TKTL1: variants seen among roughly 807,000 people sequenced by gnomAD.
TKTL1 encodes transketolase-like protein 1.
A neutral mutation model predicts 39.3 loss-of-function variants in TKTL1; 1 was observed. The ratio of observed to expected loss-of-function variants is 0.03; its 90% confidence interval spans 0.01 to 0.12. TKTL1 has a LOEUF of 0.12. Ranked by LOEUF, TKTL1 falls within the 10% of genes least tolerant of loss-of-function variation. The pLI, the probability that TKTL1 is intolerant of heterozygous loss-of-function variation, is 1.00. For synonymous variants in TKTL1, 262 were observed against 193.8 expected (o/e 1.35, Z -2.92); for missense variants, 575 against 509.6 (o/e 1.13, Z -1.24).
At chrX:154,311,326 G>A in intron 5 of TKTL1, 88 bp downstream of exon 5, 1 of 1,132,258 alleles carries the variant, frequency 8.8e-7, no homozygotes. Context: ...AGGGGCCTAG[G>A]CAGATGACTC....
Position 154,295,839 on chromosome X carries a change from G to A in TKTL1, c.-21G>A. The A allele has an allele frequency of 8.3e-7, 1 of 1,206,108 alleles. No individual in the cohort carries two copies. Among genetic ancestry groups the A allele is most frequent in the Non-Finnish European group, 1.1e-6 (1 of 892,392 alleles). On this transcript the variant is annotated 5_prime_UTR_variant, in exon 1 of 13. Coordinates refer to ENST00000369915, the MANE Select transcript of TKTL1 (RefSeq NM_012253.4). ...CCGGAGACGTAGGAGTGGGTCTTCA[G>A]ACTCCAAAGGGGTTGGACTAATGGC...
intron 7 of TKTL1, among the ~76,000 whole-genome samples, chrX:154,319,337 C>T (rs1328737516): frequency 8.9e-6 from 1 of 112,482 alleles, no homozygotes; most frequent in Non-Finnish European, 1.9e-5. Context: ...AAATTGTCCT[C>T]TTTACTTGGG....
At chrX:154,315,811 C>G (rs782638507) in intron 7 of TKTL1, among the ~76,000 whole-genome samples, 4 of 112,468 alleles carry the variant, frequency 3.6e-5, no homozygotes, top group Non-Finnish European at 7.5e-5. Flanking sequence ...AATATCAATG[C>G]TTAGAGCTGG....
chrX:154,319,121 T>C (rs1557170082), intron 7 of TKTL1, among the ~76,000 whole-genome samples: 2 of 111,957 alleles, frequency 1.8e-5, no homozygotes, highest in South Asian at 7.4e-4. Flanking sequence ...CATGATGTGC[T>C]ATGAAACCTT....
intron 7 of TKTL1, among the ~76,000 whole-genome samples, chrX:154,319,924 G>A (rs1026045244): frequency 1.3e-4 from 15 of 111,809 alleles, no homozygotes; most frequent in Non-Finnish European, 3.8e-5. Context: ...ATTTGAGCCC[G>A]GACTTCTGGG....
At chrX:154,297,251 TG>T (rs1326625460) in intron 1 of TKTL1, among the ~76,000 whole-genome samples, 1 of 107,870 alleles carries the variant, frequency 9.3e-6, no homozygotes, top group Non-Finnish European at 2.0e-5. Context: ...AGGTTTTTTT[TG>T]TTTTTTTTTT....
chrX:154,330,009 G>A lies in TKTL1; in HGVS notation c.*321G>A, dbSNP rs12014497. 0.028 allele frequency: 5,350 copies of A among 193,980 alleles called. 270 individuals carry two copies. The highest frequency in any genetic ancestry group is 0.14 in the African/African-American group (4,876 of 33,888). 16.0% of individuals were successfully genotyped at this position (193,980 alleles called of 1,213,427 possible). ...AGTGGTAGAGGTAATCAATTCTTCC[G>A]AAGTGTTTCCTTCGTGAATAACTGG... On this transcript the variant is annotated 3_prime_UTR_variant, in exon 13 of 13. Transcript: ENST00000369915.
chrX:154,325,362 C>A lies in TKTL1; in HGVS notation c.1341C>A (p.Thr447=), dbSNP rs782764473. 9 of 1,211,765 alleles carry A rather than the reference C, an allele frequency of 7.4e-6. No individual in the cohort carries two copies. The Admixed American group carries it at 1.7e-4, about 23-fold the overall frequency. ...AGGGGATGTGCTTCATTCGGACCAC[C>A]CGACCAGAAACTATGGTTATTTACA... ...NAKGMCFIRT[T]RPETMVIYTP... The change falls in exon 10 of 13, where the codon ACC becomes ACA. Residue 447 remains threonine, a synonymous_variant. Coordinates refer to ENST00000369915, the MANE Select transcript of TKTL1 (RefSeq NM_012253.4).
chrX:154,301,926 T>TA (rs781909839), intron 1 of TKTL1, among the ~76,000 whole-genome samples: 351 of 109,316 alleles, frequency 3.2e-3, no homozygotes, highest in African/African-American at 0.011. Flanking sequence ...TTTTTTTTTT[T>TA]AAATGAGACA....
intron 1 of TKTL1, among the ~76,000 whole-genome samples, chrX:154,302,273 C>T (rs1451494372): frequency 1.8e-5 from 2 of 111,048 alleles, no homozygotes; most frequent in African/African-American, 6.6e-5. Context: ...GAAATTTTCC[C>T]TGTAGAGAAT....
intron 3 of TKTL1, among the ~76,000 whole-genome samples, chrX:154,310,049 G>A (rs1557167986): frequency 9.0e-6 from 1 of 111,141 alleles, no homozygotes; most frequent in African/African-American, 3.3e-5. Flanking sequence ...GTGTTTTCTT[G>A]ATGCGAACAC....
chrX:154,297,380 G>A (rs1483214494), intron 1 of TKTL1, among the ~76,000 whole-genome samples: 1 of 110,053 alleles, frequency 9.1e-6, no homozygotes, highest in Non-Finnish European at 1.9e-5. Context: ...CTCAGCCTCC[G>A]GAGTAGCTGG....
intron 9 of TKTL1, 21 bp downstream of exon 9, chrX:154,323,358 GT>G (rs1557171303): frequency 8.3e-7 from 1 of 1,208,781 alleles, no homozygotes. Context: ...GGGGACACTA[GT>G]TTCAGACAGA....
intron 1 of TKTL1, among the ~76,000 whole-genome samples, chrX:154,299,104 C>T (rs2067252767): frequency 1.0e-5 from 1 of 99,524 alleles, no homozygotes; most frequent in Admixed American, 1.1e-4. Flanking sequence ...TTTTGTACTT[C>T]TGTTTTCATT....
rs182650426 is a variant in TKTL1, at chrX:154,317,213, C to G, written c.1029+1876C>G. 6.2e-5 allele frequency among the ~76,000 whole-genome samples: 7 copies of G among 112,344 alleles called. No individual in the cohort carries two copies. The East Asian group carries it at 1.4e-3, about 22-fold the overall frequency. On this transcript the variant is annotated intron_variant, in intron 7 of 12. Coordinates refer to ENST00000369915, the MANE Select transcript of TKTL1 (RefSeq NM_012253.4). The stretch of plus-strand genomic sequence containing the variant: ...TCTACTCCGTCCCTGCTGATATGTT[C>G]TCACAGTTGGAAAAAAGTTGTAAAG...
chrX:154,313,601 G>A (rs950510363), intron 6 of TKTL1, among the ~76,000 whole-genome samples: 2 of 111,455 alleles, frequency 1.8e-5, no homozygotes, highest in African/African-American at 3.3e-5. Flanking sequence ...GAATACTTGA[G>A]AAATCAAAAG....
At chrX:154,326,101 C>T (rs2067491694) in intron 10 of TKTL1, among the ~76,000 whole-genome samples, 1 of 112,267 alleles carries the variant, frequency 8.9e-6, no homozygotes, top group Non-Finnish European at 1.9e-5. Flanking sequence ...GGTATTCTCA[C>T]AAAAGCCCTG....
intron 1 of TKTL1, among the ~76,000 whole-genome samples, chrX:154,304,513 T>G (rs2067299854): frequency 1.8e-5 from 2 of 109,573 alleles, no homozygotes; most frequent in Non-Finnish European, 3.8e-5. Context: ...GGAGAATCAC[T>G]TGAGCCCAGG....
intron 2 of TKTL1, among the ~76,000 whole-genome samples, chrX:154,306,375 G>A (rs922958419): frequency 2.0e-4 from 22 of 111,784 alleles, no homozygotes. Flanking sequence ...ACAGTGGGAA[G>A]TGAAGACAAA....
Sources: gnomAD v4.1 joint callset for allele counts (sites outside exome capture counted in the v4.1 genomes callset) on GRCh38, gnomAD v4.1.1 for gene constraint, MANE v1.5 for transcripts, NCBI Gene and HGNC (gene_info 2026-07-23, HGNC 2026-07-21) for gene names.